The following MEGF11 variants were observed in gnomAD, a reference collection of about 807,000 sequenced individuals.
MEGF11 encodes the protein multiple epidermal growth factor-like domains protein 11.
Under a neutral mutation model 146.6 loss-of-function variants are expected in MEGF11, and 126 were observed. That is an observed-to-expected ratio of 0.86 (90% CI 0.74 to 1.00). MEGF11 has a LOEUF of 1.00. Among genes scored for constraint, MEGF11 ranks in the 50% least tolerant of loss-of-function variants. The pLI is 0.00. For missense variants in MEGF11, 1,509 were observed against 1,521.2 expected (o/e 0.99, Z 0.13); for synonymous variants, 532 against 583.4 (o/e 0.91, Z 1.27).
chr15:65,919,167 C>G (rs2079095600), intron 15 of MEGF11, among the ~76,000 whole-genome samples: 1 of 152,236 alleles, frequency 6.6e-6, no homozygotes, highest in South Asian at 2.1e-4. Flanking sequence ...GGATCTGAAT[C>G]TACTCAGTGC....
At chr15:66,039,759 AGGC>A (rs2083876623) in intron 5 of MEGF11, among the ~76,000 whole-genome samples, 1 of 150,212 alleles carries the variant, frequency 6.7e-6, no homozygotes, top group East Asian at 2.0e-4. Context: ...GAGCCGGGTC[AGGC>A]GGCGGTGGGG....
At chr15:65,931,223 C>T (rs1385372711) in intron 10 of MEGF11, among the ~76,000 whole-genome samples, 7 of 152,148 alleles carry the variant, frequency 4.6e-5, no homozygotes. Context: ...CAGAGAGATA[C>T]ACCATGAGGA....
intron 1 of MEGF11, among the ~76,000 whole-genome samples, chr15:66,245,833 C>A (rs1293130736): frequency 6.6e-6 from 1 of 152,176 alleles, no homozygotes; most frequent in Non-Finnish European, 1.5e-5. Flanking sequence ...CATGTCCCCC[C>A]ATACACCTAT....
At chr15:66,159,157 C>T (rs2089866914) in intron 1 of MEGF11, among the ~76,000 whole-genome samples, 1 of 152,180 alleles carries the variant, frequency 6.6e-6, no homozygotes, top group African/African-American at 2.4e-5. Context: ...AATTGTCTCA[C>T]AGTTATTGCT....
At chr15:66,139,052 TGACTTGCA>T (rs1455563929) in intron 1 of MEGF11, among the ~76,000 whole-genome samples, 2 of 152,248 alleles carry the variant, frequency 1.3e-5, no homozygotes, top group Non-Finnish European at 2.9e-5. Context: ...CAGGCCCTGC[TGACTTGCA>T]GTCTAAGCTA....
chr15:65,935,471 T>A (rs774232000), intron 10 of MEGF11, among the ~76,000 whole-genome samples: 1 of 149,818 alleles, frequency 6.7e-6, no homozygotes, highest in Non-Finnish European at 1.5e-5. Context: ...AGATAGATAG[T>A]GTCAGAATTG....
chr15:66,156,801 AG>A (rs979398119), intron 1 of MEGF11, among the ~76,000 whole-genome samples: 20 of 152,212 alleles, frequency 1.3e-4, no homozygotes, highest in African/African-American at 4.8e-4. Context: ...CTAAGATGAG[AG>A]GACTTTATCA....
intron 5 of MEGF11, among the ~76,000 whole-genome samples, chr15:66,077,598 T>C (rs2085646806): frequency 6.6e-6 from 1 of 152,228 alleles, no homozygotes; most frequent in Non-Finnish European, 1.5e-5. Context: ...CATGTAACAC[T>C]GCTTAGTACC....
At chr15:65,950,935 C>T (rs953657829) in intron 10 of MEGF11, among the ~76,000 whole-genome samples, 1 of 152,226 alleles carries the variant, frequency 6.6e-6, no homozygotes, top group African/African-American at 2.4e-5. Context: ...CCATGAATGT[C>T]CTTACTGTAA....
chr15:66,171,190 T>C (rs1458227488), intron 1 of MEGF11, among the ~76,000 whole-genome samples: 1 of 152,208 alleles, frequency 6.6e-6, no homozygotes, highest in Non-Finnish European at 1.5e-5. Context: ...ACAGCACCAA[T>C]GCAGGATGCC....
At chr15:66,001,575 C>A (rs2082368145) in intron 5 of MEGF11, among the ~76,000 whole-genome samples, 1 of 152,132 alleles carries the variant, frequency 6.6e-6, no homozygotes, top group African/African-American at 2.4e-5. Flanking sequence ...TCCTCTCTCT[C>A]TGTCTCTATT....
chr15:66,113,787 A>G (rs1404986197), intron 4 of MEGF11, among the ~76,000 whole-genome samples: 1 of 152,122 alleles, frequency 6.6e-6, no homozygotes, highest in Non-Finnish European at 1.5e-5. Context: ...AGGTTGAGGC[A>G]GGAGAATGGT....
intron 5 of MEGF11, among the ~76,000 whole-genome samples, chr15:66,056,650 A>G (rs1314501187): frequency 1.3e-5 from 2 of 152,222 alleles, no homozygotes. Context: ...AGCACCAATA[A>G]CATAGAAAGG....
At chr15:66,206,384 T>C (rs1199272752) in intron 1 of MEGF11, among the ~76,000 whole-genome samples, 1 of 151,880 alleles carries the variant, frequency 6.6e-6, no homozygotes, top group East Asian at 1.9e-4. Flanking sequence ...CTTAAAGAAA[T>C]AATGAGAGAA....
chr15:66,001,149 T>C (rs1439502232), intron 5 of MEGF11, among the ~76,000 whole-genome samples: 1 of 152,046 alleles, frequency 6.6e-6, no homozygotes, highest in Non-Finnish European at 1.5e-5. Context: ...CCGCCAGCAG[T>C]GTGTGCCAGT....
At chr15:66,242,160 A>C (rs1340042066) in intron 1 of MEGF11, among the ~76,000 whole-genome samples, 1 of 152,020 alleles carries the variant, frequency 6.6e-6, no homozygotes, top group Admixed American at 6.6e-5. Context: ...TAATCTCAAC[A>C]CTTTGGGAGG....
chr15:66,061,458 A>C (rs772715629), intron 5 of MEGF11, among the ~76,000 whole-genome samples: 5 of 147,740 alleles, frequency 3.4e-5, no homozygotes, highest in Admixed American at 6.6e-5. Flanking sequence ...GCATGGCTCC[A>C]GGCATGGGGA....
intron 4 of MEGF11, among the ~76,000 whole-genome samples, chr15:66,115,348 A>G (rs1339827710): frequency 6.6e-6 from 1 of 152,148 alleles, no homozygotes; most frequent in Non-Finnish European, 1.5e-5. Flanking sequence ...CCCTGGCATC[A>G]TTCTTCACCC....
chr15:65,933,760 C>G (rs992770246), intron 10 of MEGF11, among the ~76,000 whole-genome samples: 1 of 152,212 alleles, frequency 6.6e-6, no homozygotes, highest in African/African-American at 2.4e-5. Context: ...AGGGTGGACT[C>G]TGGTACCATC....
Sources: gnomAD v4.1 joint callset for allele counts (sites outside exome capture counted in the v4.1 genomes callset) on GRCh38, gnomAD v4.1.1 for gene constraint, MANE v1.5 for transcripts, NCBI Gene and HGNC (gene_info 2026-07-23, HGNC 2026-07-21) for gene names.